BRD7: variants seen among roughly 807,000 people sequenced by gnomAD.
The protein encoded by BRD7 is bromodomain containing 7, also known as bromodomain-containing protein 7.
In BRD7, 15 loss-of-function variants were observed where a neutral mutation model predicts 82.1. The ratio of observed to expected loss-of-function variants is 0.18; its 90% CI spans 0.12 to 0.28. The LOEUF (loss-of-function observed/expected upper bound fraction) is 0.28, where lower values mean the gene tolerates loss of function less well. Ranked by LOEUF, BRD7 falls within the 10% of genes least tolerant of loss-of-function variation. The probability of loss-of-function intolerance (pLI) is 1.00; values close to 1 mark genes in which losing one functional copy is unlikely to be tolerated. For synonymous variants in BRD7, 232 were observed against 266.9 expected (o/e 0.87, Z 1.27); for missense variants, 638 against 779.9 (o/e 0.82, Z 2.17).
At chr16:50,319,841 T>C (rs1435670640) in intron 16 of BRD7, 46 bp downstream of exon 16, 5 of 1,592,262 alleles carry the variant, frequency 3.1e-6, no homozygotes, top group Non-Finnish European at 3.4e-6. Context: ...GGGATGACTA[T>C]AGTCACCATA....
intron 11 of BRD7, 122 bp from the exon 12 acceptor site, chr16:50,323,820 A>C (rs1401923865): frequency 1.5e-6 from 1 of 659,170 alleles, no homozygotes; most frequent in Non-Finnish European, 2.7e-6. Flanking sequence ...ATTTCTGCCT[A>C]GACACAACAT....
rs765245686 is a variant in BRD7 at position 50,368,137 on chromosome 16, T to C, written c.211A>G (p.Lys71Glu). Residue 71 changes from lysine (K) to glutamate (E), a missense_variant, in exon 2 of 17, where the codon AAG (lysine) becomes GAG (glutamate). Physicochemically the swap from Lys to Glu is moderately conservative, Grantham distance 56. Coordinates refer to ENST00000394688, the MANE Select transcript of BRD7 (RefSeq NM_013263.5). ...RKRKKRKKGE[K>E]QIPGEEKGRK... ...CCCTTTTCTTCCCCTGGAATCTGCT[T>C]CTCTCCTTTCTTTCTCTTTTTCCGC... The C allele has an allele frequency of 6.2e-7, 1 of 1,614,048 alleles. No homozygotes were observed. Among genetic ancestry groups the C allele is most frequent in the Non-Finnish European group, 8.5e-7 (1 of 1,179,924 alleles).
intron 2 of BRD7, among the ~76,000 whole-genome samples, chr16:50,365,704 A>C (rs78354330): frequency 0.016 from 2,421 of 152,322 alleles, 63 homozygotes; most frequent in African/African-American, 0.055. Flanking sequence ...TCAAGGTATA[A>C]GATCTGAAAT....
chr16:50,328,600 ATGTTAACCCAGGTTAC>A, intron 9 of BRD7, 53 bp downstream of exon 9: 1 of 1,373,142 alleles, frequency 7.3e-7, no homozygotes, highest in South Asian at 1.3e-5. Context: ...TTGCTTTAAA[ATGTTAACCCAGGTTAC>A]TGTTCTCTGC....
chr16:50,340,149 G>C (rs1014532274), intron 5 of BRD7, 63 bp from the exon 6 acceptor site: 41 of 879,194 alleles, frequency 4.7e-5, no homozygotes, highest in Non-Finnish European at 6.5e-5. Flanking sequence ...TGCACCCCCA[G>C]GTTGAAAATA....
chr16:50,319,625 CAATG>C (rs1226907660), intron 16 of BRD7, among the ~76,000 whole-genome samples: 2 of 151,776 alleles, frequency 1.3e-5, no homozygotes, highest in African/African-American at 2.4e-5. Flanking sequence ...ATACAACAAA[CAATG>C]AAAAAAATAT....
At position 50,319,963 on chromosome 16, in the gene BRD7, C is replaced by T. The variant is rs138232073; in HGVS notation, c.1824G>A (p.Thr608=). 835 of 1,613,350 alleles carry T rather than the reference C, an allele frequency of 5.2e-4. 3 individuals carry two copies. The African/African-American group carries it at 7.5e-3, about 14-fold the overall frequency. ...TCCCCATTGCTTTTCGAACTCCATA[C>T]GTGCTTACGATATCACCTGGAGTTA... The part of the protein sequence containing the change: ...QQVTPGDIVS[T]YGVRKAMGIS... Residue 608 remains threonine, a synonymous_variant, in exon 16 of 17, where the codon ACG becomes ACA. Coordinates refer to ENST00000394688, the MANE Select transcript of BRD7 (RefSeq NM_013263.5).
intron 4 of BRD7, among the ~76,000 whole-genome samples, chr16:50,351,846 G>C (rs1454658813): frequency 2.2e-5 from 2 of 89,698 alleles, no homozygotes; most frequent in Non-Finnish European, 4.2e-5. Context: ...ATGTATGTAT[G>C]TATGTATGTA....
chr16:50,334,739 A>G lies in BRD7; in HGVS notation c.859T>C (p.Phe287Leu). The G allele has an allele frequency of 6.2e-7, 1 of 1,613,888 alleles. No homozygotes were observed. The highest frequency in any genetic ancestry group is 1.7e-5 in the Admixed American group (1 of 59,988). ...TTATTTTCTTTGCTGGGACTCTTGA[A>G]GGCGTGTGCTTCGGCATCTCCAGAG... ...EDSGDAEAHA[F>L]KSPSKENKKK... The change falls in exon 7 of 17, where the codon TTC becomes CTC. Residue 287 changes from phenylalanine to leucine, a missense_variant. Phe to Leu is a conservative substitution (Grantham distance 22). Coordinates refer to ENST00000394688, the MANE Select transcript of BRD7 (RefSeq NM_013263.5).
At chr16:50,342,210 T>C (rs995613790) in intron 5 of BRD7, among the ~76,000 whole-genome samples, 1 of 152,112 alleles carries the variant, frequency 6.6e-6, no homozygotes, top group African/African-American at 2.4e-5. Context: ...TGAAATTCTT[T>C]CCCATTAAGC....
chr16:50,337,677 A>T (rs2037867496), intron 6 of BRD7, among the ~76,000 whole-genome samples: 1 of 152,224 alleles, frequency 6.6e-6, no homozygotes, highest in Non-Finnish European at 1.5e-5. Context: ...AAAAACAGTT[A>T]TCTTTGAAAA....
intron 2 of BRD7, among the ~76,000 whole-genome samples, chr16:50,360,568 T>C (rs1274769450): frequency 1.3e-5 from 2 of 152,200 alleles, no homozygotes; most frequent in East Asian, 1.9e-4. Context: ...TACCTTTCCC[T>C]GGACTCCTGG....
At chr16:50,356,589 T>C (rs187088046) in intron 2 of BRD7, among the ~76,000 whole-genome samples, 10 of 152,250 alleles carry the variant, frequency 6.6e-5, no homozygotes, top group Admixed American at 1.3e-4. Context: ...GCAGAACTTG[T>C]AATTATAAAA....
chr16:50,352,443 T>A (rs1397560267), intron 4 of BRD7, among the ~76,000 whole-genome samples: 2 of 152,206 alleles, frequency 1.3e-5, no homozygotes, highest in African/African-American at 2.4e-5. Flanking sequence ...AATGCATTCA[T>A]CCATTGATGG....
At chr16:50,349,994 AT>A in intron 5 of BRD7, 28 bp downstream of exon 5, 2 of 1,495,400 alleles carry the variant, frequency 1.3e-6, no homozygotes, top group South Asian at 1.4e-5. Context: ...TTCTACCAAG[AT>A]TTTGTGTATA....
intron 6 of BRD7, among the ~76,000 whole-genome samples, chr16:50,338,583 T>C (rs2037914950): frequency 1.3e-5 from 2 of 152,226 alleles, no homozygotes; most frequent in Non-Finnish European, 1.5e-5. Context: ...TGGACTCTGA[T>C]TCCTTTCTCC....
chr16:50,317,913 CAAACAG>C lies in BRD7; in HGVS notation c.*1292_*1297del, dbSNP rs959133905. The C allele has an allele frequency of 5.3e-5, 8 of 151,912 alleles. 1 individual carries two copies. The highest frequency in any genetic ancestry group is 4.6e-4 in the Admixed American group (7 of 15,240). 9.4% of individuals were successfully genotyped at this position (151,912 alleles called of 1,614,324 possible). A position where few individuals can be genotyped will look rare whatever the true frequency, so the allele number is the denominator to read the frequency against. On this transcript the variant is annotated 3_prime_UTR_variant, in exon 17 of 17. Transcript: ENST00000394688. ...ATTTCCTAACAAACAAACAAACAAACAAACAGAAGAGAAGATCATTAACCACTGTAT... is the reference window on the plus strand; with the variant it reads ...ATTTCCTAACAAACAAACAAACAAACAAGAGAAGATCATTAACCACTGTAT...
Position 50,350,056 on chromosome 16 carries a change from C to T in BRD7, c.558G>A (p.Lys186=). 6.2e-7 allele frequency: 1 copy of T among 1,603,092 alleles called. No homozygotes were observed. The highest frequency in any genetic ancestry group is 8.5e-7 in the Non-Finnish European group (1 of 1,176,594). The change falls in exon 5 of 17, where the codon AAG becomes AAA. Residue 186 remains lysine (K), a synonymous_variant. Transcript: ENST00000394688. ...CTTCTATGGACTGATAGTCATTGTT[C>T]TTGATCTTTTCTTTCATGGTACTAA... ...MDFSTMKEKI[K]NNDYQSIEEL...
intron 8 of BRD7, among the ~76,000 whole-genome samples, chr16:50,332,277 A>T (rs1255153828): frequency 2.6e-5 from 4 of 152,136 alleles, no homozygotes; most frequent in South Asian, 2.1e-4. Context: ...AAGGACTAAT[A>T]CCCAGTATCT....
Sources: allele counts gnomAD v4.1 joint callset (sites outside exome capture counted in the v4.1 genomes callset), GRCh38; gene constraint gnomAD v4.1.1; transcripts MANE v1.5; gene names NCBI Gene and HGNC (gene_info 2026-07-23, HGNC 2026-07-21).